MKLN1: variants seen among roughly 807,000 people sequenced by gnomAD.
The protein encoded by MKLN1 is muskelin 1.
In MKLN1, 18 loss-of-function variants were observed where a neutral mutation model predicts 99.0. That is an observed-to-expected ratio of 0.18 (90% CI 0.13 to 0.27). The LOEUF (loss-of-function observed/expected upper bound fraction) is 0.27, where lower values mean the gene tolerates loss of function less well. MKLN1 is among the 10% of genes least tolerant of loss of function. MKLN1 has a pLI of 1.00. For missense variants in MKLN1, 621 were observed against 875.9 expected (o/e 0.71, Z 3.67); for synonymous variants, 288 against 293.2 (o/e 0.98, Z 0.18).
intron 8 of MKLN1, among the ~76,000 whole-genome samples, chr7:131,419,035 C>T (rs1212610198): frequency 6.6e-6 from 1 of 152,102 alleles, no homozygotes; most frequent in Non-Finnish European, 1.5e-5. Flanking sequence ...CATGCCTTGG[C>T]ATTCCCAATC....
chr7:131,468,985 A>G (rs1584774708), intron 15 of MKLN1, among the ~76,000 whole-genome samples: 3 of 152,302 alleles, frequency 2.0e-5, no homozygotes, highest in Admixed American at 2.0e-4. Flanking sequence ...GTGAAACTGG[A>G]TGGAGAATTG....
chr7:131,211,602 GTT>G (rs34469545), intron 3 of MKLN1, among the ~76,000 whole-genome samples: 25,010 of 146,424 alleles, frequency 0.17, 2,410 homozygotes, highest in Non-Finnish European at 0.23. Flanking sequence ...CAACCCTTGT[GTT>G]TTTTTTTTTT....
At chr7:131,406,103 A>C (rs1243813380) in intron 6 of MKLN1, among the ~76,000 whole-genome samples, 1 of 152,010 alleles carries the variant, frequency 6.6e-6, no homozygotes, top group Non-Finnish European at 1.5e-5. Flanking sequence ...ATTGAAAACA[A>C]ATTTTAAATT....
rs10262550 is a variant in MKLN1, at chr7:131,463,115, T to C, written c.1526-102T>C. The C allele has an allele frequency of 5.1e-3, 5,185 of 1,024,764 alleles. 142 individuals carry two copies. The African/African-American group carries it at 0.068, about 13-fold the overall frequency. The allele number at this position is 1,024,764 out of a possible 1,614,324, so 63.5% of individuals were successfully genotyped here. A position where few individuals can be genotyped will look rare whatever the true frequency, so the allele number is the denominator to read the frequency against. ...CTTCAGCTTGGGCAACAGAGTGAAA[T>C]GCTGTTCTTTAAAAAAAGAAAGAAA... On this transcript the variant is annotated intron_variant, in intron 12 of 17. Transcript: ENST00000352689.
intron 3 of MKLN1, among the ~76,000 whole-genome samples, chr7:131,223,285 T>C (rs1425023540): frequency 1.3e-5 from 2 of 152,058 alleles, no homozygotes; most frequent in East Asian, 3.9e-4. Context: ...CTGGTGAGAG[T>C]AGCAAACTGG....
At chr7:131,253,008 T>C (rs189524802) in intron 3 of MKLN1, among the ~76,000 whole-genome samples, 226 of 152,328 alleles carry the variant, frequency 1.5e-3, no homozygotes, top group African/African-American at 5.1e-3. Context: ...TATTAGGAGA[T>C]GATTTCCAGG....
chr7:131,220,952 A>G (rs1797051278), intron 3 of MKLN1, among the ~76,000 whole-genome samples: 1 of 152,150 alleles, frequency 6.6e-6, no homozygotes, highest in Non-Finnish European at 1.5e-5. Context: ...AAATACCTGT[A>G]TTTCTGTCCA....
upstream of MKLN1, chr7:131,323,661 T>C (rs753527524): frequency 2.6e-5 from 4 of 152,182 alleles, no homozygotes; most frequent in Non-Finnish European, 1.5e-5. Context: ...AACACTCTTA[T>C]TATTGATTTC....
intron 8 of MKLN1, among the ~76,000 whole-genome samples, chr7:131,421,005 A>T (rs967201668): frequency 2.0e-5 from 3 of 152,166 alleles, no homozygotes; most frequent in African/African-American, 2.4e-5. Context: ...TTTATTGGTT[A>T]TATTCGAACA....
chr7:131,312,242 C>CA (rs1798580014), intron 3 of MKLN1, among the ~76,000 whole-genome samples: 1 of 152,120 alleles, frequency 6.6e-6, no homozygotes, highest in Non-Finnish European at 1.5e-5. Flanking sequence ...AGGCTGGTCT[C>CA]AAACTCCTGA....
At chr7:131,284,025 C>T (rs754890933) in intron 3 of MKLN1, among the ~76,000 whole-genome samples, 1 of 152,162 alleles carries the variant, frequency 6.6e-6, no homozygotes, top group Non-Finnish European at 1.5e-5. Context: ...AGAATCTATT[C>T]TCCTGTGGGT....
chr7:131,466,439 CATTT>C, intron 15 of MKLN1, 24 bp downstream of exon 15: 1 of 1,494,212 alleles, frequency 6.7e-7, no homozygotes, highest in East Asian at 2.3e-5. Flanking sequence ...TCACTGAAAA[CATTT>C]AATTAACATT....
At position 131,491,801 on chromosome 7, in the gene MKLN1, A is replaced by G. The variant is rs1191301082; in HGVS notation, c.*4073A>G. On this transcript the variant is annotated 3_prime_UTR_variant, in exon 18 of 18. Transcript: ENST00000352689. ...TTTGGTTTCCTTCTATCCACCAAAT[A>G]CTGTGAATTGTTTTTCCATTTATTT... 1 of 152,578 alleles carries G rather than the reference A, an allele frequency of 6.6e-6. No individual in the cohort carries two copies. The highest frequency in any genetic ancestry group is 1.5e-5 in the Non-Finnish European group (1 of 68,018). The allele number at this position is 152,578 out of a possible 1,614,324, so 9.5% of individuals were successfully genotyped here. A position where few individuals can be genotyped will look rare whatever the true frequency, so the allele number is the denominator to read the frequency against.
intron 12 of MKLN1, among the ~76,000 whole-genome samples, chr7:131,455,504 TG>T (rs1796304878): frequency 1.3e-5 from 2 of 152,240 alleles, no homozygotes; most frequent in African/African-American, 4.8e-5. Flanking sequence ...TGATAATTGT[TG>T]TATCATTCTT....
intron 17 of MKLN1, among the ~76,000 whole-genome samples, chr7:131,483,905 A>G (rs908874613): frequency 5.3e-5 from 8 of 152,262 alleles, no homozygotes; most frequent in African/African-American, 1.9e-4. Flanking sequence ...GAATTTTAGC[A>G]AACAGGCAAA....
intron 12 of MKLN1, among the ~76,000 whole-genome samples, chr7:131,453,288 T>C (rs905474979): frequency 1.2e-4 from 19 of 152,218 alleles, no homozygotes; most frequent in Non-Finnish European, 2.4e-4. Flanking sequence ...CTACCAGATA[T>C]TTATAAAGCT....
At chr7:131,163,793 T>G (rs1396800636) in intron 2 of MKLN1, among the ~76,000 whole-genome samples, 1 of 152,248 alleles carries the variant, frequency 6.6e-6, no homozygotes, top group Non-Finnish European at 1.5e-5. Context: ...GTGTATATCA[T>G]TAATGCTAAC....
intron 2 of MKLN1, among the ~76,000 whole-genome samples, chr7:131,181,848 C>A (rs62472632): frequency 6.6e-6 from 1 of 151,852 alleles, no homozygotes. Flanking sequence ...TTAGTAGAGA[C>A]GAGATTTCAC....
At chr7:131,176,671 C>T (rs148267666) in intron 2 of MKLN1, among the ~76,000 whole-genome samples, 4 of 152,308 alleles carry the variant, frequency 2.6e-5, no homozygotes, top group East Asian at 3.8e-4. Flanking sequence ...ATGGAAACAG[C>T]GAGTCGTTGT....
Sources: gnomAD v4.1 joint callset for allele counts (sites outside exome capture counted in the v4.1 genomes callset) on GRCh38, gnomAD v4.1.1 for gene constraint, MANE v1.5 for transcripts, NCBI Gene and HGNC (gene_info 2026-07-23, HGNC 2026-07-21) for gene names.